Variants in AGBL4 observed in about 807,000 individuals in gnomAD.
AGBL4 encodes AGBL carboxypeptidase 4.
A neutral mutation model predicts 66.4 loss-of-function variants in AGBL4; 58 were observed. That is an observed-to-expected ratio of 0.87 (90% confidence interval 0.71 to 1.09). AGBL4 has a LOEUF of 1.09. AGBL4 is among the 50% of genes least tolerant of loss of function. The pLI is 0.00. For missense variants in AGBL4, 579 were observed against 631.0 expected (o/e 0.92, Z 0.88); for synonymous variants, 234 against 222.9 (o/e 1.05, Z -0.44).
chr1:49,838,711 C>T (rs752053980), intron 2 of AGBL4, among the ~76,000 whole-genome samples: 1 of 151,996 alleles, frequency 6.6e-6, no homozygotes, highest in Non-Finnish European at 1.5e-5. Context: ...TGGGAAGAAG[C>T]AATAACAGTA....
chr1:49,960,163 CTAAAA>C (rs2148341846), intron 1 of AGBL4, among the ~76,000 whole-genome samples: 1 of 151,958 alleles, frequency 6.6e-6, no homozygotes, highest in Admixed American at 6.6e-5. Flanking sequence ...ACCCCTGAAC[CTAAAA>C]TAAATTTTTT....
At chr1:49,983,337 T>C (rs1016624163) in intron 1 of AGBL4, among the ~76,000 whole-genome samples, 4 of 152,248 alleles carry the variant, frequency 2.6e-5, no homozygotes, top group Non-Finnish European at 4.4e-5. Flanking sequence ...AGGAAGCTGC[T>C]TGTGGTACAC....
chr1:49,440,069 CTT>C (rs34024621), intron 3 of AGBL4, among the ~76,000 whole-genome samples: 11 of 123,496 alleles, frequency 8.9e-5, no homozygotes, highest in Admixed American at 8.5e-5. Flanking sequence ...AAGGACTCTA[CTT>C]TTTTTTTTTT....
chr1:48,566,873 A>G (rs1256413222), intron 11 of AGBL4, among the ~76,000 whole-genome samples: 1 of 152,216 alleles, frequency 6.6e-6, no homozygotes, highest in Non-Finnish European at 1.5e-5. Context: ...TAATGCATGT[A>G]ATCTCAGTGC....
intron 3 of AGBL4, among the ~76,000 whole-genome samples, chr1:49,525,275 G>T (rs1425285157): frequency 4.6e-5 from 7 of 151,924 alleles, no homozygotes; most frequent in Admixed American, 2.6e-4. Flanking sequence ...ATTATAAAAA[G>T]AATTAAAATA....
At chr1:48,534,799 A>C in intron 13 of AGBL4, 91 bp downstream of exon 13, 1 of 1,345,234 alleles carries the variant, frequency 7.4e-7, no homozygotes, top group Non-Finnish European at 1.0e-6. Context: ...TTGCTAACAT[A>C]ACAAGGCTGC....
chr1:49,632,011 T>C (rs945777712), intron 3 of AGBL4, among the ~76,000 whole-genome samples: 5 of 152,160 alleles, frequency 3.3e-5, no homozygotes, highest in African/African-American at 1.2e-4. Context: ...CCCACAGTCA[T>C]GAAAATATAT....
chr1:48,870,193 A>G (rs1648509365), intron 5 of AGBL4, among the ~76,000 whole-genome samples: 1 of 151,842 alleles, frequency 6.6e-6, no homozygotes, highest in African/African-American at 2.4e-5. Flanking sequence ...TGTTCTTCCA[A>G]TGCATCTTGC....
At chr1:48,943,263 C>A (rs751644329) in intron 5 of AGBL4, among the ~76,000 whole-genome samples, 43 of 152,218 alleles carry the variant, frequency 2.8e-4, no homozygotes, top group Non-Finnish European at 4.7e-4. Flanking sequence ...TGGAGGTGGG[C>A]AAACAATAAC....
intron 6 of AGBL4, chr1:48,742,805 T>G (rs768089452): frequency 6.8e-7 from 1 of 1,474,894 alleles, no homozygotes. Flanking sequence ...TGTCTAGAAC[T>G]CCAAGGAAAA....
intron 4 of AGBL4, among the ~76,000 whole-genome samples, chr1:49,052,008 G>A (rs888021434): frequency 1.3e-5 from 2 of 151,826 alleles, no homozygotes; most frequent in Non-Finnish European, 2.9e-5. Context: ...GACATTGCTC[G>A]ATTCTTGAAT....
intron 11 of AGBL4, chr1:48,584,532 A>G (rs1329851231): frequency 6.6e-6 from 1 of 152,304 alleles, no homozygotes; most frequent in African/African-American, 2.4e-5. Context: ...CCTGACCAAC[A>G]TGGTAAAACC....
intron 3 of AGBL4, among the ~76,000 whole-genome samples, chr1:49,289,715 A>G (rs897474006): frequency 2.0e-5 from 3 of 152,202 alleles, no homozygotes; most frequent in African/African-American, 7.2e-5. Context: ...TGTAGCTAAG[A>G]GTATTCAAAG....
At chr1:49,100,590 T>C (rs1571447878) in intron 4 of AGBL4, among the ~76,000 whole-genome samples, 2 of 151,938 alleles carry the variant, frequency 1.3e-5, no homozygotes, top group African/African-American at 2.4e-5. Flanking sequence ...TATGTCGGGG[T>C]AGAAGTCAAG....
intron 6 of AGBL4, among the ~76,000 whole-genome samples, chr1:48,816,635 C>A (rs1646184708): frequency 6.6e-6 from 1 of 152,086 alleles, no homozygotes; most frequent in South Asian, 2.1e-4. Flanking sequence ...GGTAACTAGT[C>A]CCTATAATCA....
intron 6 of AGBL4, among the ~76,000 whole-genome samples, chr1:48,707,286 C>A (rs898561200): frequency 6.6e-6 from 1 of 151,742 alleles, no homozygotes; most frequent in African/African-American, 2.4e-5. Context: ...AGAGTGAGAC[C>A]CTATATCCAA....
At chr1:49,724,553 C>T (rs7549810) in intron 2 of AGBL4, among the ~76,000 whole-genome samples, 79,800 of 151,850 alleles carry the variant, frequency 0.53, 22,275 homozygotes, top group Non-Finnish European at 0.62. Context: ...GAACTTAATC[C>T]GGTTTATGGA....
intron 4 of AGBL4, among the ~76,000 whole-genome samples, chr1:49,139,261 T>C (rs1461103443): frequency 2.0e-5 from 3 of 152,106 alleles, no homozygotes; most frequent in Non-Finnish European, 2.9e-5. Context: ...ACTTTTTAAG[T>C]GCAATAATTC....
chr1:48,942,377 A>C (rs1032158378), intron 5 of AGBL4, among the ~76,000 whole-genome samples: 6 of 152,008 alleles, frequency 3.9e-5, no homozygotes, highest in Non-Finnish European at 8.8e-5. Context: ...TGAGTTCTAA[A>C]TTAATAGCTC....
Sources: allele counts gnomAD v4.1 joint callset (sites outside exome capture counted in the v4.1 genomes callset), GRCh38; gene constraint gnomAD v4.1.1; transcripts MANE v1.5; gene names NCBI Gene and HGNC (gene_info 2026-07-23, HGNC 2026-07-21).